ANKRD11: variants seen among roughly 807,000 people sequenced by gnomAD.
ANKRD11 encodes the protein ankyrin repeat domain 11, also known as ankyrin repeat domain-containing protein 11.
In ANKRD11, 17 loss-of-function variants were observed where a neutral mutation model predicts 195.7. The observed-to-expected ratio is 0.09, with a 90% CI of 0.06 to 0.13. ANKRD11 has a LOEUF of 0.13. Ranked by LOEUF, ANKRD11 falls within the 10% of genes least tolerant of loss-of-function variation. The probability of loss-of-function intolerance (pLI) is 1.00; values close to 1 mark genes in which losing one functional copy is unlikely to be tolerated. For synonymous variants in ANKRD11, 1,953 were observed against 1,528.1 expected (o/e 1.28, Z -6.49); for missense variants, 3,735 against 3,566.1 (o/e 1.05, Z -1.21).
rs560962100 is a variant in ANKRD11 at position 89,333,378 on chromosome 16, C to A, written c.-59-16300G>T. On this transcript the variant is annotated intron_variant, in intron 2 of 12. Transcript: ENST00000301030. ...ACCCCCCTGGACACAGCATCATCAC[C>A]CACAGGCCGCACGACCTCAGGGTCC... 5.0e-3 allele frequency among the ~76,000 whole-genome samples: 764 copies of A among 152,302 alleles called. 5 individuals are homozygous for A. The highest frequency in any genetic ancestry group is 0.018 in the African/African-American group (739 of 41,550).
chr16:89,444,213 G>T (rs2043674011), intron 1 of ANKRD11, among the ~76,000 whole-genome samples: 1 of 151,950 alleles, frequency 6.6e-6, no homozygotes, highest in African/African-American at 2.4e-5. Context: ...ACAAGCAGAA[G>T]AAACAACACT....
rs71134220 is a variant in ANKRD11, at chr16:89,415,829, C to CAAAAAAAAAAAAAAAAAAAAAAAAAAAAA, written c.-60+2454_-60+2455insTTTTTTTTTTTTTTTTTTTTTTTTTTTTT. Among the ~76,000 whole-genome samples, 121 of 39,716 alleles carry CAAAAAAAAAAAAAAAAAAAAAAAAAAAAA rather than the reference C, an allele frequency of 3.0e-3. 13 individuals are homozygous for CAAAAAAAAAAAAAAAAAAAAAAAAAAAAA. The highest frequency in any genetic ancestry group is 4.5e-3 in the East Asian group (5 of 1,110). The allele number at this position is 39,716 out of a possible 152,430, so 26.1% of individuals were successfully genotyped here. A position where few individuals can be genotyped will look rare whatever the true frequency, so the allele number is the denominator to read the frequency against. The stretch of plus-strand genomic sequence containing the variant: ...TGCACAACAAAGCTAGACTCTGTCT[C>CAAAAAAAAAAAAAAAAAAAAAAAAAAAAA]AAAAAAAAAAAAAAAAAAAAACAAT... On this transcript the variant is annotated intron_variant, in intron 2 of 12. Transcript: ENST00000301030.
At chr16:89,427,735 G>A (rs776871218) in intron 1 of ANKRD11, among the ~76,000 whole-genome samples, 2 of 151,820 alleles carry the variant, frequency 1.3e-5, no homozygotes, top group East Asian at 3.9e-4. Flanking sequence ...GGAGGCAGAG[G>A]TTGCAGTGAG....
chr16:89,407,638 C>T (rs1015987898), intron 2 of ANKRD11, among the ~76,000 whole-genome samples: 13 of 152,156 alleles, frequency 8.5e-5, no homozygotes, highest in Admixed American at 4.6e-4. Flanking sequence ...CTGAGTAACA[C>T]GGCGAGACGC....
intron 2 of ANKRD11, among the ~76,000 whole-genome samples, chr16:89,334,790 C>T (rs1390190890): frequency 6.6e-6 from 1 of 152,172 alleles, no homozygotes; most frequent in Non-Finnish European, 1.5e-5. Context: ...CCCACGTGTC[C>T]ACCAGCAGAA....
In ANKRD11 at chr16:89,279,829, C is replaced by G; in HGVS notation, c.6713G>C (p.Ser2238Thr). The G allele has an allele frequency of 6.5e-7, 1 of 1,546,262 alleles. No individual in the cohort carries two copies. Among genetic ancestry groups the G allele is most frequent in the South Asian group, 1.2e-5 (1 of 84,510 alleles). ...TGGGGGAACGGGCGCGGGCTCCACGCTGGAGTCCGGATCCCCACGGGCCCT... is the reference window on the plus strand; with the variant it reads ...TGGGGGAACGGGCGCGGGCTCCACGGTGGAGTCCGGATCCCCACGGGCCCT... ...EERARGDPDS[S>T]VEPAPVPPEQ... The change falls in exon 9 of 13, where the codon AGC becomes ACC. Residue 2238 changes from serine to threonine, a missense_variant. Ser to Thr is a moderately conservative substitution (Grantham distance 58). Coordinates refer to ENST00000301030, the MANE Select transcript of ANKRD11 (RefSeq NM_013275.6). The surrounding 1 kb of genome is among the most constrained non-coding windows in gnomAD (Gnocchi z 5.6).
chr16:89,326,372 G>A (rs572001376), intron 2 of ANKRD11, among the ~76,000 whole-genome samples: 1 of 151,898 alleles, frequency 6.6e-6, no homozygotes, highest in South Asian at 2.1e-4. Flanking sequence ...AGGGGACGCA[G>A]CCACCGCCCC....
At chr16:89,347,535 T>C (rs942718323) in intron 2 of ANKRD11, among the ~76,000 whole-genome samples, 2 of 146,364 alleles carry the variant, frequency 1.4e-5, no homozygotes, top group East Asian at 2.0e-4. Context: ...GGCGTGAACC[T>C]GGGAGATGGA....
At chr16:89,302,944 G>C (rs1393738919) in intron 4 of ANKRD11, among the ~76,000 whole-genome samples, 1 of 152,146 alleles carries the variant, frequency 6.6e-6, no homozygotes, top group Non-Finnish European at 1.5e-5. Flanking sequence ...AATGGCCTCA[G>C]TGGGCCAGCA....
chr16:89,340,467 G>T (rs1439421455), intron 2 of ANKRD11, among the ~76,000 whole-genome samples: 1 of 152,122 alleles, frequency 6.6e-6, no homozygotes, highest in Non-Finnish European at 1.5e-5. Context: ...TAGAGATGGG[G>T]TTTCACAATG....
At position 89,428,316 on chromosome 16, in the gene ANKRD11, G is replaced by T. The variant is rs576320243; in HGVS notation, c.-144-9948C>A. 1.3e-4 allele frequency among the ~76,000 whole-genome samples: 20 copies of T among 151,866 alleles called. No homozygotes were observed. The South Asian group carries it at 4.0e-3, about 30-fold the overall frequency. On this transcript the variant is annotated intron_variant, in intron 1 of 12. Transcript: ENST00000301030. ...CAAGGCGGGCAGATCAGAAGGTCAG[G>T]AGATCGAGACCATCCTGGCCAACAC...
intron 2 of ANKRD11, among the ~76,000 whole-genome samples, chr16:89,414,723 T>A (rs1331698849): frequency 6.6e-6 from 1 of 152,090 alleles, no homozygotes; most frequent in East Asian, 1.9e-4. Context: ...CCTATGTCAC[T>A]GCGGCCACAC....
At chr16:89,476,369 G>A (rs535889441) in intron 1 of ANKRD11, among the ~76,000 whole-genome samples, 4 of 152,294 alleles carry the variant, frequency 2.6e-5, no homozygotes, top group South Asian at 4.1e-4. Context: ...GACTGTTAAC[G>A]TGTCCTATTA....
chr16:89,456,998 C>T (rs1412875339), intron 1 of ANKRD11, among the ~76,000 whole-genome samples: 1 of 140,810 alleles, frequency 7.1e-6, no homozygotes, highest in African/African-American at 2.7e-5. Flanking sequence ...CTCGCTCTGT[C>T]GCCCAGGCTG....
intron 1 of ANKRD11, among the ~76,000 whole-genome samples, chr16:89,421,945 A>G (rs2042527688): frequency 6.6e-6 from 1 of 152,188 alleles, no homozygotes; most frequent in Admixed American, 6.5e-5. Context: ...ATGATAACCC[A>G]GGTGCTAAGG....
At chr16:89,365,342 C>G (rs1444619671) in intron 2 of ANKRD11, among the ~76,000 whole-genome samples, 1 of 152,188 alleles carries the variant, frequency 6.6e-6, no homozygotes, top group African/African-American at 2.4e-5. Flanking sequence ...GAGCTCTCAC[C>G]TTAAAGAGCA....
At chr16:89,380,127 T>C (rs886884364) in intron 2 of ANKRD11, among the ~76,000 whole-genome samples, 5 of 152,164 alleles carry the variant, frequency 3.3e-5, no homozygotes, top group Non-Finnish European at 7.3e-5. Flanking sequence ...GTTTTTTTCT[T>C]TTTGAGACAG....
intron 2 of ANKRD11, among the ~76,000 whole-genome samples, chr16:89,415,390 G>A (rs1419290315): frequency 2.7e-5 from 4 of 147,144 alleles, no homozygotes; most frequent in South Asian, 2.2e-4. Flanking sequence ...TCAGCCTCCC[G>A]AGTAGCTGGG....
chr16:89,426,943 T>G (rs1343911043), intron 1 of ANKRD11, among the ~76,000 whole-genome samples: 1 of 152,190 alleles, frequency 6.6e-6, no homozygotes, highest in Non-Finnish European at 1.5e-5. Context: ...GCAGTAGACA[T>G]CAGGACACCT....
Sources: allele counts gnomAD v4.1 joint callset (sites outside exome capture counted in the v4.1 genomes callset), GRCh38; gene constraint gnomAD v4.1.1; non-coding constraint Gnocchi (gnomAD v3.1); transcripts MANE v1.5; gene names NCBI Gene and HGNC (gene_info 2026-07-23, HGNC 2026-07-21).